PRKG1: variants seen among roughly 807,000 people sequenced by gnomAD.
The protein encoded by PRKG1 is cGMP-dependent protein kinase 1.
A neutral mutation model predicts 88.1 loss-of-function variants in PRKG1; 35 were observed. The observed-to-expected ratio is 0.40, with a 90% CI of 0.30 to 0.53. The LOEUF (loss-of-function observed/expected upper bound fraction) is 0.53, where lower values mean the gene tolerates loss of function less well. Among genes scored for constraint, PRKG1 ranks in the 20% least tolerant of loss-of-function variants. PRKG1 has a pLI of 0.59. For synonymous variants in PRKG1, 303 were observed against 292.5 expected (o/e 1.04, Z -0.37); for missense variants, 540 against 839.8 (o/e 0.64, Z 4.41).
chr10:52,214,288 G>A (rs1226805817), intron 9 of PRKG1, among the ~76,000 whole-genome samples: 3 of 152,122 alleles, frequency 2.0e-5, no homozygotes, highest in African/African-American at 7.2e-5. Context: ...TTACCCACCA[G>A]GATATAACTT....
intron 8 of PRKG1, 32 bp from the exon 9 acceptor site, chr10:52,161,857 A>G (rs1838283579): frequency 1.3e-6 from 2 of 1,596,408 alleles, no homozygotes; most frequent in African/African-American, 1.3e-5. Context: ...ATTTTGTAGA[A>G]GATTAATCAC....
chr10:50,995,680 C>A (rs1301633437), intron 1 of PRKG1, among the ~76,000 whole-genome samples: 1 of 152,182 alleles, frequency 6.6e-6, no homozygotes, highest in African/African-American at 2.4e-5. Flanking sequence ...TTTGCATACA[C>A]CCAAACTCCT....
chr10:51,181,633 C>T (rs1349497642), intron 2 of PRKG1, among the ~76,000 whole-genome samples: 1 of 152,200 alleles, frequency 6.6e-6, no homozygotes, highest in East Asian at 1.9e-4. Flanking sequence ...GTCAGAACTA[C>T]ATTTAGTGAT....
chr10:51,169,860 G>A (rs1250377969), intron 2 of PRKG1, among the ~76,000 whole-genome samples: 3 of 151,948 alleles, frequency 2.0e-5, no homozygotes, highest in South Asian at 2.1e-4. Context: ...AGGAGTGGCC[G>A]TTACCCATTG....
At chr10:51,987,458 CT>C (rs56252793) in intron 5 of PRKG1, among the ~76,000 whole-genome samples, 4,506 of 139,168 alleles carry the variant, frequency 0.032, 102 homozygotes, top group African/African-American at 0.074. Context: ...CTACTCATTA[CT>C]TTTTTTTTTT....
At chr10:52,240,291 A>G in intron 9 of PRKG1, among the ~76,000 whole-genome samples, 1 of 152,134 alleles carries the variant, frequency 6.6e-6, no homozygotes, top group East Asian at 1.9e-4. Flanking sequence ...GAATGTCCTA[A>G]TTCTAGTCTA....
intron 7 of PRKG1, among the ~76,000 whole-genome samples, chr10:52,073,909 T>C (rs1325293994): frequency 6.6e-6 from 1 of 152,214 alleles, no homozygotes; most frequent in Non-Finnish European, 1.5e-5. Flanking sequence ...GGGAGCGCCT[T>C]AGCATTTGGA....
intron 2 of PRKG1, among the ~76,000 whole-genome samples, chr10:51,162,567 T>C (rs1398945993): frequency 6.6e-6 from 1 of 152,202 alleles, no homozygotes; most frequent in African/African-American, 2.4e-5. Flanking sequence ...GGAATTATTA[T>C]TGAGTATATA....
intron 4 of PRKG1, among the ~76,000 whole-genome samples, chr10:51,882,265 T>A (rs980264996): frequency 1.3e-5 from 2 of 152,198 alleles, no homozygotes; most frequent in Non-Finnish European, 2.9e-5. Context: ...AGAAACATTA[T>A]CAGTGACATT....
chr10:51,030,745 AC>A (rs1272649727), intron 1 of PRKG1, among the ~76,000 whole-genome samples: 1 of 145,844 alleles, frequency 6.9e-6, no homozygotes, highest in Non-Finnish European at 1.5e-5. Context: ...AGCCTGAAAA[AC>A]CCCCCTCTCT....
At chr10:52,136,457 G>A (rs1284359348) in intron 8 of PRKG1, among the ~76,000 whole-genome samples, 1 of 151,874 alleles carries the variant, frequency 6.6e-6, no homozygotes, top group Non-Finnish European at 1.5e-5. Context: ...TCTAGTGAGG[G>A]GAGGAATGAG....
intron 1 of PRKG1, among the ~76,000 whole-genome samples, chr10:51,075,975 C>T (rs1034061049): frequency 7.9e-5 from 12 of 152,286 alleles, no homozygotes; most frequent in African/African-American, 2.9e-4. Context: ...CTACTACTAA[C>T]GAAATCACAT....
chr10:51,214,830 A>T (rs1337520677), intron 2 of PRKG1, among the ~76,000 whole-genome samples: 3 of 152,124 alleles, frequency 2.0e-5, no homozygotes, highest in Non-Finnish European at 4.4e-5. Flanking sequence ...TTGTTTTTAC[A>T]ATCACTTTAC....
At chr10:51,510,838 G>C (rs900193994) in intron 3 of PRKG1, among the ~76,000 whole-genome samples, 5 of 150,464 alleles carry the variant, frequency 3.3e-5, no homozygotes, top group Non-Finnish European at 7.4e-5. Context: ...CTGCCTCCCA[G>C]GTTGAAGCAA....
At chr10:51,634,800 T>G (rs563981177) in intron 3 of PRKG1, among the ~76,000 whole-genome samples, 5 of 152,220 alleles carry the variant, frequency 3.3e-5, no homozygotes, top group African/African-American at 1.2e-4. Flanking sequence ...TGGATGAAGA[T>G]GGAGGCCATT....
At chr10:51,044,959 T>C (rs1843468290) in intron 1 of PRKG1, among the ~76,000 whole-genome samples, 1 of 152,134 alleles carries the variant, frequency 6.6e-6, no homozygotes, top group South Asian at 2.1e-4. Context: ...CAAAGAACAG[T>C]TGAGGAACTT....
At chr10:52,052,609 A>G (rs1846015738) in intron 5 of PRKG1, among the ~76,000 whole-genome samples, 1 of 152,002 alleles carries the variant, frequency 6.6e-6, no homozygotes, top group South Asian at 2.1e-4. Context: ...AGGCCTCACA[A>G]TCATGGCAGA....
At chr10:52,097,563 T>G (rs1381675211) in intron 7 of PRKG1, among the ~76,000 whole-genome samples, 2 of 152,128 alleles carry the variant, frequency 1.3e-5, no homozygotes, top group Non-Finnish European at 2.9e-5. Context: ...TTTTGTTTTG[T>G]TTTTCTTTGA....
chr10:51,238,748 G>A (rs1223420893), intron 2 of PRKG1, among the ~76,000 whole-genome samples: 4 of 149,628 alleles, frequency 2.7e-5, no homozygotes, highest in African/African-American at 9.8e-5. Flanking sequence ...GAGACAGAGG[G>A]AGACTCTATC....
Sources: allele counts gnomAD v4.1 joint callset (sites outside exome capture counted in the v4.1 genomes callset), GRCh38; gene constraint gnomAD v4.1.1; transcripts MANE v1.5; gene names NCBI Gene and HGNC (gene_info 2026-07-23, HGNC 2026-07-21).